The following EDA variants were observed in gnomAD, a reference collection of about 807,000 sequenced individuals.
EDA encodes ectodysplasin-A.
A neutral mutation model predicts 23.6 loss-of-function variants in EDA; 2 were observed. That is an observed-to-expected ratio of 0.08 (90% CI 0.03 to 0.27). The LOEUF is 0.27. EDA is among the 10% of genes least tolerant of loss of function. The pLI is 1.00. For synonymous variants in EDA, 131 were observed against 132.0 expected (o/e 0.99, Z 0.05); for missense variants, 229 against 324.2 (o/e 0.71, Z 2.26).
At chrX:70,025,262 G>A (rs975779885) in intron 3 of EDA, among the ~76,000 whole-genome samples, 1 of 111,576 alleles carries the variant, frequency 9.0e-6, no homozygotes, top group Non-Finnish European at 1.9e-5. Context: ...GCAATTACAG[G>A]AGACTCACAT....
intron 3 of EDA, among the ~76,000 whole-genome samples, chrX:70,023,478 C>CTTTTTTTTTT (rs754981946): frequency 0.012 from 415 of 33,500 alleles, 43 homozygotes; most frequent in East Asian, 0.031. Context: ...TCTTTTTATT[C>CTTTTTTTTTT]TTTTTTTTTT....
At chrX:69,797,377 G>C (rs980015996) in intron 1 of EDA, among the ~76,000 whole-genome samples, 1 of 111,013 alleles carries the variant, frequency 9.0e-6, no homozygotes, top group Non-Finnish European at 1.9e-5. Context: ...ACCTATAAGG[G>C]AGTCGCCATC....
At chrX:69,933,601 C>T (rs1224968165) in intron 1 of EDA, among the ~76,000 whole-genome samples, 2 of 110,553 alleles carry the variant, frequency 1.8e-5, no homozygotes, top group Non-Finnish European at 3.8e-5. Flanking sequence ...CGCTTGAACC[C>T]GGGAGGCAGA....
At chrX:69,990,697 CT>C (rs1204887118) in intron 2 of EDA, among the ~76,000 whole-genome samples, 2 of 107,231 alleles carry the variant, frequency 1.9e-5, no homozygotes, top group African/African-American at 6.8e-5. Context: ...TGGGTTGCTC[CT>C]TTTTTGGTCC....
chrX:69,961,558 T>C (rs1486843114), intron 2 of EDA, among the ~76,000 whole-genome samples: 1 of 112,109 alleles, frequency 8.9e-6, no homozygotes, highest in Non-Finnish European at 1.9e-5. Flanking sequence ...ATATACAATC[T>C]TTCTGACTCA....
intron 1 of EDA, among the ~76,000 whole-genome samples, chrX:69,746,697 G>T (rs1253937763): frequency 9.0e-6 from 1 of 111,012 alleles, no homozygotes; most frequent in African/African-American, 3.3e-5. Context: ...AAAAGGTGAA[G>T]ATTTTATCTG....
chrX:69,853,046 G>T (rs1355494764), intron 1 of EDA, among the ~76,000 whole-genome samples: 1 of 112,220 alleles, frequency 8.9e-6, no homozygotes, highest in African/African-American at 3.2e-5. Flanking sequence ...TTATGAAGAA[G>T]TAAGCCATTA....
intron 2 of EDA, among the ~76,000 whole-genome samples, chrX:70,008,108 C>T (rs757119424): frequency 1.8e-5 from 2 of 111,912 alleles, no homozygotes; most frequent in South Asian, 7.4e-4. Context: ...CCTCTTATTT[C>T]CTGTTCTTGC....
At chrX:70,002,143 T>A (rs1323907102) in intron 2 of EDA, among the ~76,000 whole-genome samples, 2 of 111,751 alleles carry the variant, frequency 1.8e-5, no homozygotes, top group Non-Finnish European at 3.8e-5. Flanking sequence ...GTCACAGTGG[T>A]ATTAGAGACA....
At chrX:69,772,533 G>A (rs1178307700) in intron 1 of EDA, among the ~76,000 whole-genome samples, 1 of 111,307 alleles carries the variant, frequency 9.0e-6, no homozygotes, top group Admixed American at 9.6e-5. Context: ...GTGCAGGTTT[G>A]TTTTACAGGT....
chrX:69,889,147 A>G (rs745906179), intron 1 of EDA, among the ~76,000 whole-genome samples: 5 of 102,731 alleles, frequency 4.9e-5, no homozygotes, highest in Non-Finnish European at 9.9e-5. Flanking sequence ...TTATTTATTT[A>G]TTTACATATT....
At chrX:69,667,445 TTTTCAC>T (rs1933725178) in intron 1 of EDA, among the ~76,000 whole-genome samples, 1 of 111,272 alleles carries the variant, frequency 9.0e-6, no homozygotes, top group Admixed American at 9.6e-5. Context: ...TCTTATAATT[TTTTCAC>T]TTTCACTTTC....
chrX:69,919,068 C>T (rs988686855), intron 1 of EDA, among the ~76,000 whole-genome samples: 1 of 111,395 alleles, frequency 9.0e-6, no homozygotes, highest in Non-Finnish European at 1.9e-5. Flanking sequence ...GGCTATTCAG[C>T]TTCTCCAAAC....
chrX:69,707,791 G>A (rs145341179), intron 1 of EDA, among the ~76,000 whole-genome samples: 1,139 of 111,321 alleles, frequency 0.01, 12 homozygotes, highest in African/African-American at 0.036. Flanking sequence ...TCATATTCTA[G>A]TAACCTTACC....
At chrX:69,660,320 A>T (rs1279149226) in intron 1 of EDA, among the ~76,000 whole-genome samples, 4 of 109,476 alleles carry the variant, frequency 3.7e-5, no homozygotes, top group African/African-American at 1.4e-4. Context: ...AATCCCTAGT[A>T]TTTTTTTTAA....
At chrX:69,918,046 A>C (rs776864819) in intron 1 of EDA, among the ~76,000 whole-genome samples, 24 of 111,190 alleles carry the variant, frequency 2.2e-4, no homozygotes, top group Non-Finnish European at 4.2e-4. Flanking sequence ...CATGATGGCA[A>C]GTACTGGTGA....
intron 1 of EDA, among the ~76,000 whole-genome samples, chrX:69,790,904 C>A (rs2015387339): frequency 9.1e-6 from 1 of 110,067 alleles, no homozygotes; most frequent in African/African-American, 3.3e-5. Flanking sequence ...CACACATATA[C>A]CCCTCAAAAC....
At chrX:69,810,529 G>A (rs946125374) in intron 1 of EDA, among the ~76,000 whole-genome samples, 4 of 107,336 alleles carry the variant, frequency 3.7e-5, no homozygotes, top group African/African-American at 1.4e-4. Context: ...GGTCAAGGCA[G>A]GTGGATCACC....
At chrX:69,739,487 T>A (rs1485756673) in intron 1 of EDA, among the ~76,000 whole-genome samples, 1 of 111,382 alleles carries the variant, frequency 9.0e-6, no homozygotes, top group African/African-American at 3.2e-5. Context: ...TTAATTTTAT[T>A]ATTGATGTAG....
Sources: gnomAD v4.1 joint callset for allele counts (sites outside exome capture counted in the v4.1 genomes callset) on GRCh38, gnomAD v4.1.1 for gene constraint, MANE v1.5 for transcripts, NCBI Gene and HGNC (gene_info 2026-07-23, HGNC 2026-07-21) for gene names.